Variants in LYRM4 observed in about 807,000 individuals in gnomAD.
LYRM4 encodes the protein LYR motif-containing protein 4.
A neutral mutation model predicts 11.7 loss-of-function variants in LYRM4; 9 were observed. The observed-to-expected ratio is 0.77, with a 90% CI of 0.46 to 1.34. The LOEUF (loss-of-function observed/expected upper bound fraction) is 1.34, where lower values mean the gene tolerates loss of function less well. Ranked by LOEUF, LYRM4 falls within the 40% of genes most tolerant of loss-of-function variation. LYRM4 has a pLI of 0.00. For missense variants in LYRM4, 133 were observed against 112.5 expected (o/e 1.18, Z -0.82); for synonymous variants, 42 against 40.4 (o/e 1.04, Z -0.15).
At chr6:5,243,823 G>A (rs2127760079) in intron 1 of LYRM4, among the ~76,000 whole-genome samples, 1 of 152,292 alleles carries the variant, frequency 6.6e-6, no homozygotes, top group Non-Finnish European at 1.5e-5. Flanking sequence ...GAAACAGATG[G>A]TGGCATCTTA....
At chr6:5,148,477 G>T (rs9504353) in intron 2 of LYRM4, among the ~76,000 whole-genome samples, 1 of 36,716 alleles carries the variant, frequency 2.7e-5, no homozygotes, top group Admixed American at 2.7e-4. Context: ...GGGCTGAGGG[G>T]GCAGAGTTAG....
chr6:5,226,164 C>A (rs1332192175), intron 1 of LYRM4, among the ~76,000 whole-genome samples: 1 of 151,956 alleles, frequency 6.6e-6, no homozygotes, highest in Non-Finnish European at 1.5e-5. Context: ...TCCGGTGTAC[C>A]AAATTTTATG....
chr6:5,193,439 T>C (rs534665560), intron 2 of LYRM4, among the ~76,000 whole-genome samples: 26 of 152,302 alleles, frequency 1.7e-4, no homozygotes, highest in South Asian at 1.2e-3. Context: ...TCCCAAAGCA[T>C]CTAATAATCC....
chr6:5,253,576 T>G (rs1764529753), intron 1 of LYRM4, among the ~76,000 whole-genome samples: 1 of 152,170 alleles, frequency 6.6e-6, no homozygotes, highest in Admixed American at 6.5e-5. Context: ...TCATTTGGCC[T>G]AGGAACTGCT....
chr6:5,075,236 G>T, the LYRM4 span, among the ~76,000 whole-genome samples: 1 of 152,186 alleles, frequency 6.6e-6, no homozygotes, highest in Non-Finnish European at 1.5e-5. Flanking sequence ...AGCAATGGAA[G>T]AATAGCCTAA....
intron 1 of LYRM4, chr6:5,218,117 G>C: frequency 2.1e-6 from 1 of 486,540 alleles, no homozygotes; most frequent in Non-Finnish European, 2.7e-6. Context: ...GCGTTGCCCA[G>C]GCTGGTCTTA....
At chr6:5,186,654 T>G in intron 2 of LYRM4, 1 of 985,252 alleles carries the variant, frequency 1.0e-6, no homozygotes, top group East Asian at 1.1e-4. Flanking sequence ...TGACACAAAA[T>G]TCAAAGACAA....
intron 2 of LYRM4, chr6:5,113,422 A>C (rs1365413978): frequency 1.0e-5 from 4 of 386,286 alleles, no homozygotes; most frequent in South Asian, 7.5e-5. Flanking sequence ...CGTTATCTAA[A>C]AGAAAAAGAG....
rs564403549 is a variant in LYRM4 at position 5,150,727 on chromosome 6, C to T, written c.208-41236G>A. ...CAGCTCTCCCCTGCAAGCGTGTAAC[C>T]GCTGCATGCTCAGGCTCTGACTACT... On this transcript the variant is annotated intron_variant, in intron 2 of 2. Transcript: ENST00000330636. 7.9e-5 allele frequency among the ~76,000 whole-genome samples: 12 copies of T among 152,286 alleles called. No homozygotes were observed. The South Asian group carries it at 1.0e-3, about 13-fold the overall frequency.
intron 2 of LYRM4, among the ~76,000 whole-genome samples, chr6:5,165,655 G>C (rs1244453590): frequency 6.6e-6 from 1 of 151,542 alleles, no homozygotes; most frequent in Non-Finnish European, 1.5e-5. Context: ...TGATTCTCCT[G>C]CCTCAGCCTC....
chr6:5,069,496 T>G, the LYRM4 span, among the ~76,000 whole-genome samples: 1 of 150,860 alleles, frequency 6.6e-6, no homozygotes, highest in Non-Finnish European at 1.5e-5. Context: ...TTTTGTTTTT[T>G]GTTTTTACGA....
intron 2 of LYRM4, among the ~76,000 whole-genome samples, chr6:5,180,866 A>T (rs1760030895): frequency 6.6e-6 from 1 of 152,222 alleles, no homozygotes; most frequent in Non-Finnish European, 1.5e-5. Context: ...TTGCTAGTGA[A>T]GTATGTCACT....
intron 2 of LYRM4, among the ~76,000 whole-genome samples, chr6:5,175,210 G>A (rs1273518559): frequency 6.6e-6 from 1 of 152,192 alleles, no homozygotes; most frequent in Non-Finnish European, 1.5e-5. Flanking sequence ...GCATAGACAA[G>A]AGCATAAACC....
chr6:5,239,053 C>T (rs908858742), intron 1 of LYRM4, among the ~76,000 whole-genome samples: 30 of 152,158 alleles, frequency 2.0e-4, no homozygotes, highest in Admixed American at 1.4e-3. Flanking sequence ...ATATTCTTTC[C>T]GGTGGCAATA....
intron 2 of LYRM4, among the ~76,000 whole-genome samples, chr6:5,130,558 A>G (rs1763907164): frequency 6.6e-6 from 1 of 152,198 alleles, no homozygotes; most frequent in African/African-American, 2.4e-5. Flanking sequence ...ACAAAGAAAT[A>G]TTGCCTAAGG....
chr6:5,154,130 A>G (rs1406045468), intron 2 of LYRM4, among the ~76,000 whole-genome samples: 4 of 152,198 alleles, frequency 2.6e-5, no homozygotes, highest in African/African-American at 9.6e-5. Flanking sequence ...TTTAATCAAT[A>G]TCAGTCTGGA....
chr6:5,254,657 C>G (rs1764587295), intron 1 of LYRM4, among the ~76,000 whole-genome samples: 1 of 152,170 alleles, frequency 6.6e-6, no homozygotes, highest in African/African-American at 2.4e-5. Context: ...CTGCTTATCT[C>G]CCGCTTAACC....
In LYRM4 at chr6:5,136,682, C is replaced by T. The variant is rs1757117690; in HGVS notation, c.208-27191G>A. The stretch of plus-strand genomic sequence containing the variant: ...AGAAGGTGGCATTTACAAATGAGTC[C>T]CACAGGTCCTAGCCACAGTCTGTGG... On this transcript the variant is annotated intron_variant, in intron 2 of 2. Coordinates refer to ENST00000330636, the MANE Select transcript of LYRM4 (RefSeq NM_020408.6). 1.0e-5 allele frequency: 10 copies of T among 985,208 alleles called. No homozygotes were observed. In the Admixed American group the frequency reaches 6.1e-4, roughly 61 times the overall value. The allele number at this position is 985,208 out of a possible 1,614,324, so 61.0% of individuals were successfully genotyped here. A position where few individuals can be genotyped will look rare whatever the true frequency, so the allele number is the denominator to read the frequency against.
rs113249032 is a variant in LYRM4, at chr6:5,165,999, T to C, written c.207+50619A>G. On this transcript the variant is annotated intron_variant, in intron 2 of 2. Transcript: ENST00000330636. ...CAAACGAGTATACTGAATGGCTAGATGGATAATTTTAGTGTTTTTTTTAAA... is the reference window on the plus strand; with the variant it reads ...CAAACGAGTATACTGAATGGCTAGACGGATAATTTTAGTGTTTTTTTTAAA... Among the ~76,000 whole-genome samples the C allele has an allele frequency of 7.0e-4, 107 of 152,240 alleles. 1 individual carries two copies. The highest frequency in any genetic ancestry group is 2.5e-3 in the African/African-American group (104 of 41,500).
Sources: gnomAD v4.1 joint callset for allele counts (sites outside exome capture counted in the v4.1 genomes callset) on GRCh38, gnomAD v4.1.1 for gene constraint, MANE v1.5 for transcripts, NCBI Gene and HGNC (gene_info 2026-07-23, HGNC 2026-07-21) for gene names.